Variants in QTGAL observed in about 807,000 individuals in gnomAD.
QTGAL encodes the protein BGnT-like protein 1.
At chr17:83,024,074 T>G in the QTGAL span, among the ~76,000 whole-genome samples, 7 of 152,082 alleles carry the variant, frequency 4.6e-5, no homozygotes, top group Admixed American at 1.3e-4. Context: ...TGATACGAGG[T>G]CCTGTGTCCC....
the QTGAL span, among the ~76,000 whole-genome samples, chr17:83,047,068 G>A: frequency 0.011 from 1,628 of 152,348 alleles, 19 homozygotes; most frequent in Middle Eastern, 0.017. Flanking sequence ...GGAAGAGCCT[G>A]CGTGCCACCG....
chr17:82,956,623 G>C, the QTGAL span: 1 of 1,439,652 alleles, frequency 6.9e-7, no homozygotes, highest in South Asian at 1.4e-5. This position sits in a 1 kb window ranked among gnomAD's most constrained non-coding sequence, Gnocchi z 5.7. Context: ...TCATTGCACA[G>C]CAGGGCGGGT....
At chr17:82,988,218 C>G in the QTGAL span, among the ~76,000 whole-genome samples, 1 of 152,142 alleles carries the variant, frequency 6.6e-6, no homozygotes, top group African/African-American at 2.4e-5. Context: ...TGTCTGCAAA[C>G]AGAGCTTCGA....
chr17:82,970,604 GCCGCGAC>G, the QTGAL span, among the ~76,000 whole-genome samples: 18 of 143,406 alleles, frequency 1.3e-4, 1 homozygote, highest in Admixed American at 2.2e-4. Context: ...ACCCGGCGTG[GCCGCGAC>G]CTCCCCACCC....
chr17:82,951,274 C>T, the QTGAL span, among the ~76,000 whole-genome samples: 17 of 152,264 alleles, frequency 1.1e-4, no homozygotes, highest in South Asian at 1.0e-3. Flanking sequence ...CCATTGTGAC[C>T]GTAGCATGAT....
chr17:82,970,562 ACCTCCGCACCCGGCG>A, the QTGAL span, among the ~76,000 whole-genome samples: 1 of 129,372 alleles, frequency 7.7e-6, no homozygotes, highest in Admixed American at 8.6e-5. Flanking sequence ...CGTGGCCGCG[ACCTCCGCACCCGGCG>A]TGGCCGCGAC....
the QTGAL span, among the ~76,000 whole-genome samples, chr17:82,995,418 T>G: frequency 1.3e-5 from 2 of 151,060 alleles, no homozygotes; most frequent in Admixed American, 1.3e-4. Context: ...AGTCTCACCC[T>G]GTCACCCAGG....
At chr17:82,999,775 G>A in the QTGAL span, among the ~76,000 whole-genome samples, 3 of 152,140 alleles carry the variant, frequency 2.0e-5, no homozygotes, top group African/African-American at 7.2e-5. Context: ...ACAGTACATA[G>A]CAAGGAATTC....
the QTGAL span, chr17:83,014,314 C>T: frequency 2.2e-6 from 2 of 907,926 alleles, no homozygotes. Context: ...CAGAGACATG[C>T]CAGCCACAGA....
At chr17:83,032,456 CCA>C in the QTGAL span, among the ~76,000 whole-genome samples, 74 of 85,196 alleles carry the variant, frequency 8.7e-4, 4 homozygotes, top group African/African-American at 1.6e-3. Context: ...AGCTGAACAA[CCA>C]GGTCAGACCA....
the QTGAL span, among the ~76,000 whole-genome samples, chr17:83,037,257 G>A: frequency 1.1e-3 from 164 of 152,284 alleles, no homozygotes; most frequent in African/African-American, 3.8e-3. This position sits in a 1 kb window ranked among gnomAD's most constrained non-coding sequence, Gnocchi z 5.2. Flanking sequence ...CCCACCCCAC[G>A]GGGGCTGCCC....
the QTGAL span, among the ~76,000 whole-genome samples, chr17:82,988,641 G>A: frequency 6.6e-6 from 1 of 152,046 alleles, no homozygotes; most frequent in Non-Finnish European, 1.5e-5. Context: ...GAATCTACAA[G>A]GAACTTAACT....
At chr17:83,039,656 C>T in the QTGAL span, among the ~76,000 whole-genome samples, 2 of 152,320 alleles carry the variant, frequency 1.3e-5, no homozygotes, top group East Asian at 1.9e-4. Flanking sequence ...TCTAGACACA[C>T]TGCAGATTAG....
the QTGAL span, among the ~76,000 whole-genome samples, chr17:82,986,017 T>G: frequency 0.38 from 58,002 of 152,012 alleles, 11,437 homozygotes; most frequent in African/African-American, 0.47. Flanking sequence ...GTGCCTGGGA[T>G]CAAAGCCCTC....
chr17:83,032,947 A>G, the QTGAL span, among the ~76,000 whole-genome samples: 3 of 152,182 alleles, frequency 2.0e-5, no homozygotes, highest in Non-Finnish European at 2.9e-5. Context: ...GCTTCTGGTG[A>G]TCAAGGAAAA....
the QTGAL span, among the ~76,000 whole-genome samples, chr17:83,028,859 C>T: frequency 3.3e-5 from 5 of 152,204 alleles, no homozygotes; most frequent in Admixed American, 2.0e-4. Flanking sequence ...ACTACAGCAT[C>T]GAAACAATCT....
the QTGAL span, among the ~76,000 whole-genome samples, chr17:82,998,837 T>C: frequency 6.6e-6 from 1 of 152,176 alleles, no homozygotes. Context: ...ACAGACACTT[T>C]ACCAAAGAAG....
chr17:82,965,876 GCCT>G, the QTGAL span: 1 of 970,022 alleles, frequency 1.0e-6, no homozygotes, highest in South Asian at 1.5e-5. Context: ...CAGGGTCAGG[GCCT>G]CAAGAGACTT....
the QTGAL span, among the ~76,000 whole-genome samples, chr17:83,028,396 C>T: frequency 7.5e-3 from 1,137 of 150,608 alleles, 14 homozygotes; most frequent in African/African-American, 0.026. Context: ...AGGTGGCGGG[C>T]GCCTGTAGTC....
Sources: gnomAD v4.1 joint callset for allele counts (sites outside exome capture counted in the v4.1 genomes callset) on GRCh38, gnomAD v4.1.1 for gene constraint, Gnocchi (gnomAD v3.1) non-coding constraint, MANE v1.5 for transcripts, NCBI Gene and HGNC (gene_info 2026-07-23, HGNC 2026-07-21) for gene names.